The following SLC44A1 variants were observed in gnomAD, a reference collection of about 807,000 sequenced individuals.
SLC44A1 encodes the protein choline transporter-like protein 1.
A neutral mutation model predicts 79.3 loss-of-function variants in SLC44A1; 26 were observed. The ratio of observed to expected loss-of-function variants is 0.33; its 90% CI spans 0.24 to 0.46. SLC44A1 has a LOEUF of 0.46. Among genes scored for constraint, SLC44A1 ranks in the 20% least tolerant of loss-of-function variants. SLC44A1 has a pLI of 1.00. For missense variants in SLC44A1, 688 were observed against 798.1 expected, an observed-to-expected ratio of 0.86 and a Z score of 1.66; for synonymous variants, 263 against 286.2, an observed-to-expected ratio of 0.92 and a Z score of 0.82.
intron 15 of SLC44A1, among the ~76,000 whole-genome samples, chr9:105,435,486 T>A (rs758067388): frequency 2.0e-5 from 3 of 152,026 alleles, no homozygotes; most frequent in African/African-American, 2.4e-5. Flanking sequence ...AGGTGCATAG[T>A]CATGAGGTGG....
At chr9:105,366,312 G>T (rs757237836) in intron 11 of SLC44A1, 34 bp from the exon 12 acceptor site, 4 of 1,206,262 alleles carry the variant, frequency 3.3e-6, no homozygotes, top group Non-Finnish European at 4.5e-6. Flanking sequence ...TGATTCTTTG[G>T]TTTTTTTATT....
intron 3 of SLC44A1, among the ~76,000 whole-genome samples, chr9:105,330,972 A>G (rs543195193): frequency 2.6e-5 from 4 of 152,350 alleles, no homozygotes; most frequent in African/African-American, 9.6e-5. Context: ...TCATCTGATC[A>G]TGCTATGTGC....
chr9:105,342,391 CAT>C (rs1827121528), intron 4 of SLC44A1, among the ~76,000 whole-genome samples: 1 of 152,150 alleles, frequency 6.6e-6, no homozygotes, highest in Non-Finnish European at 1.5e-5. Flanking sequence ...ATCAAAAAGA[CAT>C]AGCATATAGA....
chr9:105,283,725 G>C (rs553432792), intron 1 of SLC44A1, among the ~76,000 whole-genome samples: 2 of 152,294 alleles, frequency 1.3e-5, no homozygotes, highest in South Asian at 4.1e-4. Flanking sequence ...ATCCCAATAT[G>C]TGCGAGTCCT....
intron 15 of SLC44A1, among the ~76,000 whole-genome samples, chr9:105,415,453 C>CA (rs1259527158): frequency 6.6e-6 from 1 of 152,238 alleles, no homozygotes; most frequent in Non-Finnish European, 1.5e-5. Flanking sequence ...TATGGACACG[C>CA]ATGCTGTTCC....
At chr9:105,358,537 C>T (rs7024985) in intron 7 of SLC44A1, 104 bp downstream of exon 7, 99,103 of 701,656 alleles carry the variant, frequency 0.14, 10,310 homozygotes, top group African/African-American at 0.45. Flanking sequence ...AAGCTATATC[C>T]TCAAGGAAGA....
At chr9:105,253,688 C>G (rs746792425) in intron 1 of SLC44A1, among the ~76,000 whole-genome samples, 4 of 152,102 alleles carry the variant, frequency 2.6e-5, no homozygotes, top group Admixed American at 6.5e-5. Flanking sequence ...GAGCTATGAT[C>G]GTGCCTGTAT....
chr9:105,266,076 G>T (rs2131221275), intron 1 of SLC44A1, among the ~76,000 whole-genome samples: 1 of 152,160 alleles, frequency 6.6e-6, no homozygotes, highest in Non-Finnish European at 1.5e-5. Context: ...TCCTGTCCTA[G>T]CCTCTCAAGT....
intron 3 of SLC44A1, among the ~76,000 whole-genome samples, chr9:105,311,207 A>G (rs1332698376): frequency 6.6e-6 from 1 of 152,144 alleles, no homozygotes; most frequent in Non-Finnish European, 1.5e-5. Context: ...TTTATTTTGA[A>G]ATAACTTTAG....
chr9:105,301,022 G>A (rs143082179), intron 2 of SLC44A1, among the ~76,000 whole-genome samples: 3,366 of 152,048 alleles, frequency 0.022, 114 homozygotes, highest in African/African-American at 0.076. Context: ...CACCCATCTC[G>A]GCCTCCCAAA....
At chr9:105,360,972 T>G (rs915553418) in intron 7 of SLC44A1, among the ~76,000 whole-genome samples, 4 of 152,194 alleles carry the variant, frequency 2.6e-5, no homozygotes, top group Non-Finnish European at 5.9e-5. Flanking sequence ...TTTGATACAC[T>G]GAAGGATTTA....
chr9:105,424,443 G>A (rs1266090424), intron 15 of SLC44A1, among the ~76,000 whole-genome samples: 7 of 152,252 alleles, frequency 4.6e-5, no homozygotes, highest in Non-Finnish European at 8.8e-5. Flanking sequence ...GGCGAGGAGT[G>A]GGAAGAGAAT....
intron 5 of SLC44A1, among the ~76,000 whole-genome samples, chr9:105,354,288 G>T (rs1427710342): frequency 1.6e-4 from 25 of 151,550 alleles, no homozygotes; most frequent in Non-Finnish European, 1.5e-5. Context: ...CTGACCTCGT[G>T]ATCCGCCCGC....
At chr9:105,319,872 T>A (rs1220995907) in intron 3 of SLC44A1, among the ~76,000 whole-genome samples, 1 of 152,236 alleles carries the variant, frequency 6.6e-6, no homozygotes, top group East Asian at 1.9e-4. Flanking sequence ...GTTATAGTTT[T>A]GTTGAGTTAT....
intron 1 of SLC44A1, among the ~76,000 whole-genome samples, chr9:105,246,827 A>G (rs1394564089): frequency 6.6e-6 from 1 of 152,192 alleles, no homozygotes. Context: ...TTTAAAACCG[A>G]TAGTGGGTCT....
intron 2 of SLC44A1, among the ~76,000 whole-genome samples, chr9:105,301,794 T>C (rs922763006): frequency 2.6e-5 from 4 of 152,230 alleles, no homozygotes; most frequent in African/African-American, 7.2e-5. Flanking sequence ...GTGGCAAAGA[T>C]AGAATAGGAA....
At chr9:105,311,503 C>T (rs982307771) in intron 3 of SLC44A1, among the ~76,000 whole-genome samples, 1 of 152,086 alleles carries the variant, frequency 6.6e-6, no homozygotes, top group African/African-American at 2.4e-5. Flanking sequence ...TCATGTTTAA[C>T]CTTGTGGTGA....
At chr9:105,385,692 C>T in intron 15 of SLC44A1, 190 bp downstream of exon 15, 2 of 985,392 alleles carry the variant, frequency 2.0e-6, no homozygotes, top group Non-Finnish European at 2.4e-6. Flanking sequence ...ACTGAGACCA[C>T]CTTCTATAAA....
Position 105,392,678 on chromosome 9 carries a change from AG to A in SLC44A1, c.*3624del, listed in dbSNP as rs1330662707. The A allele has an allele frequency of 1.0e-6, 1 of 982,218 alleles. No individual in the cohort carries two copies. The highest frequency in any genetic ancestry group is 1.8e-5 in the African/African-American group (1 of 54,562). 60.8% of individuals were successfully genotyped at this position (982,218 alleles called of 1,614,324 possible). ...GTGTGAGGCCACATCACTGCCCCTGAGGCTTCAACTATTTCCACCATGCACT... is the reference window on the plus strand; with the variant it reads ...GTGTGAGGCCACATCACTGCCCCTGAGCTTCAACTATTTCCACCATGCACT... On this transcript the variant is annotated 3_prime_UTR_variant, in exon 16 of 16. Coordinates refer to ENST00000374720, the MANE Select transcript of SLC44A1 (RefSeq NM_080546.5).
Sources: allele counts gnomAD v4.1 joint callset (sites outside exome capture counted in the v4.1 genomes callset), GRCh38; gene constraint gnomAD v4.1.1; transcripts MANE v1.5; gene names NCBI Gene and HGNC (gene_info 2026-07-23, HGNC 2026-07-21).